SYT1: variants seen among roughly 807,000 people sequenced by gnomAD.
The protein encoded by SYT1 is synaptotagmin-1.
SYT1 carries 8 observed loss-of-function variants against 44.8 expected under a neutral mutation model. That is an observed-to-expected ratio of 0.18 (90% CI 0.10 to 0.32). SYT1 has a LOEUF of 0.32. Ranked by LOEUF, SYT1 falls within the 10% of genes least tolerant of loss-of-function variation. The pLI, the probability that SYT1 is intolerant of heterozygous loss-of-function variation, is 1.00. For missense variants in SYT1, 286 were observed against 509.3 expected, an observed-to-expected ratio of 0.56 and a Z score of 4.22; for synonymous variants, 154 against 188.8, an observed-to-expected ratio of 0.82 and a Z score of 1.51.
chr12:78,971,455 A>G (rs541934797), intron 1 of SYT1, among the ~76,000 whole-genome samples: 2 of 152,272 alleles, frequency 1.3e-5, no homozygotes, highest in African/African-American at 4.8e-5. Flanking sequence ...AATAAAAAAA[A>G]GAGTAGATGC....
intron 9 of SYT1, among the ~76,000 whole-genome samples, chr12:79,361,132 G>A (rs1883300180): frequency 1.3e-5 from 2 of 152,196 alleles, no homozygotes; most frequent in African/African-American, 4.8e-5. Flanking sequence ...CACCATGCCA[G>A]TCCTTGAGAA....
intron 3 of SYT1, among the ~76,000 whole-genome samples, chr12:79,141,358 T>A (rs1450045174): frequency 6.6e-6 from 1 of 152,154 alleles, no homozygotes; most frequent in Non-Finnish European, 1.5e-5. Flanking sequence ...TTTGGAAATG[T>A]ACAAATAATG....
At chr12:78,917,025 A>G (rs1876693324) in intron 1 of SYT1, among the ~76,000 whole-genome samples, 2 of 152,016 alleles carry the variant, frequency 1.3e-5, no homozygotes, top group South Asian at 4.1e-4. Flanking sequence ...CCTGACCTCA[A>G]AAGCAATCCT....
At chr12:78,922,880 A>T (rs890677373) in intron 1 of SYT1, among the ~76,000 whole-genome samples, 16 of 151,978 alleles carry the variant, frequency 1.1e-4, no homozygotes, top group African/African-American at 3.6e-4. Flanking sequence ...CAGATGAGAA[A>T]CCTAAATAAA....
chr12:79,252,455 G>C (rs1017915585), intron 4 of SYT1, among the ~76,000 whole-genome samples: 6 of 152,082 alleles, frequency 3.9e-5, no homozygotes. Flanking sequence ...AGGGGCACTT[G>C]GCAGAATTGC....
chr12:78,954,666 G>A (rs1465316821), intron 1 of SYT1, among the ~76,000 whole-genome samples: 1 of 151,968 alleles, frequency 6.6e-6, no homozygotes, highest in Non-Finnish European at 1.5e-5. Context: ...ATACTATGAT[G>A]AATAACTTTA....
At chr12:79,237,344 A>AT in intron 4 of SYT1, among the ~76,000 whole-genome samples, 1 of 152,348 alleles carries the variant, frequency 6.6e-6, no homozygotes, top group South Asian at 2.1e-4. Flanking sequence ...CATTAAATAA[A>AT]GTGGATATAT....
intron 1 of SYT1, among the ~76,000 whole-genome samples, chr12:78,915,885 C>G (rs1466593746): frequency 1.3e-5 from 2 of 151,702 alleles, no homozygotes; most frequent in African/African-American, 4.8e-5. Context: ...ACTTTTCATC[C>G]CAAATTCTAT....
chr12:78,951,193 T>C (rs1878946664), intron 1 of SYT1, among the ~76,000 whole-genome samples: 1 of 152,154 alleles, frequency 6.6e-6, no homozygotes, highest in Non-Finnish European at 1.5e-5. Context: ...TACTTGTAAC[T>C]TTTTAAACAA....
At chr12:79,388,199 T>G (rs2136086840) in intron 9 of SYT1, among the ~76,000 whole-genome samples, 1 of 152,326 alleles carries the variant, frequency 6.6e-6, no homozygotes, top group East Asian at 1.9e-4. Flanking sequence ...CAGGAAACTG[T>G]AGCTGGAGCT....
At chr12:79,246,633 C>T (rs1298134018) in intron 4 of SYT1, among the ~76,000 whole-genome samples, 1 of 152,170 alleles carries the variant, frequency 6.6e-6, no homozygotes, top group Non-Finnish European at 1.5e-5. Flanking sequence ...GGGGCAAATA[C>T]TGTGTGAAGC....
chr12:79,056,957 A>T (rs1874992796), intron 3 of SYT1, among the ~76,000 whole-genome samples: 1 of 152,014 alleles, frequency 6.6e-6, no homozygotes, highest in Non-Finnish European at 1.5e-5. Context: ...ACACCATAAA[A>T]ATCCCTTTAC....
At chr12:78,874,347 T>G (rs1389629078) in intron 1 of SYT1, among the ~76,000 whole-genome samples, 1 of 151,320 alleles carries the variant, frequency 6.6e-6, no homozygotes, top group East Asian at 1.9e-4. Context: ...GGCAAAGAGG[T>G]AGAGGTACCC....
rs1401870035 is a variant in SYT1 at position 79,445,894 on chromosome 12, T to TTA, written c.1062+1697_1062+1698dup. Among the ~76,000 whole-genome samples the TTA allele has an allele frequency of 7.6e-5, 11 of 143,828 alleles. No homozygotes were observed. In the East Asian group the frequency reaches 1.0e-3, roughly 13 times the overall value. 94.4% of individuals were successfully genotyped at this position (143,828 alleles called of 152,430 possible). A position where few individuals can be genotyped will look rare whatever the true frequency, so the allele number is the denominator to read the frequency against. On this transcript the variant is annotated intron_variant, in intron 10 of 10. Transcript: ENST00000261205. Reference sequence around the variant, plus strand: ...ATTTTATATATATAAAATATATATTTTATATATATAATAAGTATAGCTATA... The same window carrying TTA: ...ATTTTATATATATAAAATATATATTTTATATATATATAATAAGTATAGCTATA...
chr12:79,064,971 A>AGAAG (rs1875703106), intron 3 of SYT1, among the ~76,000 whole-genome samples: 2 of 149,344 alleles, frequency 1.3e-5, no homozygotes, highest in African/African-American at 5.1e-5. Context: ...AAAGAAAGAA[A>AGAAG]GAAAGAAAGA....
chr12:79,026,737 CTT>C (rs1872568014), intron 2 of SYT1, among the ~76,000 whole-genome samples: 1 of 138,478 alleles, frequency 7.2e-6, no homozygotes, highest in Non-Finnish European at 1.5e-5. Flanking sequence ...TCAATGGACA[CTT>C]AGGTTGTTTC....
chr12:79,083,555 G>T (rs2137962797), intron 3 of SYT1, among the ~76,000 whole-genome samples: 1 of 152,168 alleles, frequency 6.6e-6, no homozygotes, highest in South Asian at 2.1e-4. Flanking sequence ...CTAGCCATAT[G>T]ATTTTTAAAA....
At chr12:79,439,945 G>C (rs966678680) in intron 9 of SYT1, among the ~76,000 whole-genome samples, 1 of 151,974 alleles carries the variant, frequency 6.6e-6, no homozygotes, top group Non-Finnish European at 1.5e-5. Flanking sequence ...AGCCTTTCTG[G>C]CTGGGCACAA....
chr12:78,989,817 C>A (rs138317861), intron 2 of SYT1, among the ~76,000 whole-genome samples: 1 of 152,046 alleles, frequency 6.6e-6, no homozygotes, highest in South Asian at 2.1e-4. Context: ...GGAAGGTAAC[C>A]TTCCATGTCT....
Sources: allele counts gnomAD v4.1 joint callset (sites outside exome capture counted in the v4.1 genomes callset), GRCh38; gene constraint gnomAD v4.1.1; transcripts MANE v1.5; gene names NCBI Gene and HGNC (gene_info 2026-07-23, HGNC 2026-07-21).